Variants in TRMT11 observed in about 807,000 individuals in gnomAD.
TRMT11 encodes tRNA methyltransferase 11, also known as tRNA (guanine(10)-N(2))-methyltransferase TRMT11.
Under a neutral mutation model 62.8 loss-of-function variants are expected in TRMT11, and 53 were observed. The ratio of observed to expected loss-of-function variants is 0.84; its 90% CI spans 0.68 to 1.06. TRMT11 has a LOEUF of 1.06. Ranked by LOEUF, TRMT11 falls within the 50% of genes least tolerant of loss-of-function variation. TRMT11 has a pLI of 0.00. For missense variants in TRMT11, 556 were observed against 553.4 expected, an observed-to-expected ratio of 1.00 and a Z score of -0.05; for synonymous variants, 188 against 190.3, an observed-to-expected ratio of 0.99 and a Z score of 0.10.
intron 21 of TRMT11, among the ~76,000 whole-genome samples, chr6:126,152,264 A>G (rs547798394): frequency 1.5e-5 from 2 of 137,418 alleles, no homozygotes; most frequent in Non-Finnish European, 3.1e-5. Flanking sequence ...ATGTCACCAA[A>G]TGGCTAAAAA....
At chr6:126,129,866 G>T (rs887143105) in intron 21 of TRMT11, among the ~76,000 whole-genome samples, 1 of 152,034 alleles carries the variant, frequency 6.6e-6, no homozygotes, top group Non-Finnish European at 1.5e-5. Flanking sequence ...TGCTCAGTGT[G>T]TTTGTTTTTA....
At chr6:126,204,289 C>G (rs1220380064), downstream of TRMT11, among the ~76,000 whole-genome samples, 1 of 152,132 alleles carries the variant, frequency 6.6e-6, no homozygotes, top group Non-Finnish European at 1.5e-5. Context: ...AATGCATCAC[C>G]TCAGCTGTTA....
intron 17 of TRMT11, among the ~76,000 whole-genome samples, chr6:126,078,543 C>T (rs998399947): frequency 2.4e-4 from 36 of 152,122 alleles, no homozygotes; most frequent in African/African-American, 8.0e-4. Context: ...AGCAACGCCT[C>T]TGTTGTAACG....
At chr6:126,166,791 C>A (rs973004289) in intron 21 of TRMT11, among the ~76,000 whole-genome samples, 2 of 152,228 alleles carry the variant, frequency 1.3e-5, no homozygotes, top group African/African-American at 4.8e-5. Flanking sequence ...TGCTGCCTTT[C>A]TTTCAGAGAT....
intron 21 of TRMT11, among the ~76,000 whole-genome samples, chr6:126,137,935 G>A (rs562785972): frequency 6.6e-6 from 1 of 151,826 alleles, no homozygotes; most frequent in Non-Finnish European, 1.5e-5. Context: ...CATGGATATA[G>A]AATAGAATAG....
chr6:126,214,605 T>G, the TRMT11 span, among the ~76,000 whole-genome samples: 1 of 152,020 alleles, frequency 6.6e-6, no homozygotes, highest in Non-Finnish European at 1.5e-5. Context: ...CTGATTTAAT[T>G]TATTTGAGTC....
intron 9 of TRMT11, among the ~76,000 whole-genome samples, chr6:126,012,550 C>G (rs1367180230): frequency 3.9e-5 from 6 of 152,200 alleles, no homozygotes; most frequent in African/African-American, 9.7e-5. Flanking sequence ...ATTTGTAACA[C>G]TTCCACAGCT....
chr6:126,262,991 A>G, the TRMT11 span, among the ~76,000 whole-genome samples: 1 of 131,496 alleles, frequency 7.6e-6, no homozygotes. Flanking sequence ...CTCTAACATC[A>G]CTCCTCCCAT....
chr6:126,143,600 T>C (rs1473806974), intron 21 of TRMT11, among the ~76,000 whole-genome samples: 1 of 152,172 alleles, frequency 6.6e-6, no homozygotes, highest in Non-Finnish European at 1.5e-5. Flanking sequence ...ACAATAGAAC[T>C]AATTTACCAA....
chr6:126,203,116 T>C (rs1037247778), downstream of TRMT11, among the ~76,000 whole-genome samples: 1 of 152,194 alleles, frequency 6.6e-6, no homozygotes, highest in Non-Finnish European at 1.5e-5. Context: ...AGCATGAGAC[T>C]AGCACCACTT....
chr6:126,175,677 A>G (rs971417698), upstream of TRMT11, among the ~76,000 whole-genome samples: 4 of 152,174 alleles, frequency 2.6e-5, no homozygotes, highest in Admixed American at 1.3e-4. Flanking sequence ...GAATGAACAT[A>G]CAGAAAAGGC....
At chr6:126,164,694 C>T (rs1778237394) in intron 21 of TRMT11, among the ~76,000 whole-genome samples, 1 of 152,138 alleles carries the variant, frequency 6.6e-6, no homozygotes, top group East Asian at 1.9e-4. Context: ...ATAGTTAGTT[C>T]TTCTTGTTGC....
At chr6:126,259,978 C>T in the TRMT11 span, among the ~76,000 whole-genome samples, 1 of 152,104 alleles carries the variant, frequency 6.6e-6, no homozygotes, top group South Asian at 2.1e-4. Flanking sequence ...GAGTCTCTTG[C>T]AGGCAGAATA....
At chr6:126,038,462 G>C (rs1471843294) in intron 12 of TRMT11, among the ~76,000 whole-genome samples, 2 of 139,790 alleles carry the variant, frequency 1.4e-5, no homozygotes, top group Non-Finnish European at 3.1e-5. Flanking sequence ...AAGAAAAAAA[G>C]AAATTTGTCC....
chr6:126,271,540 GC>G, the TRMT11 span, among the ~76,000 whole-genome samples: 1 of 151,486 alleles, frequency 6.6e-6, no homozygotes, highest in African/African-American at 2.4e-5. Context: ...AATGCTAACA[GC>G]CATTAAAAAT....
intron 7 of TRMT11, among the ~76,000 whole-genome samples, chr6:126,004,857 C>A (rs1793114420): frequency 6.6e-6 from 1 of 151,996 alleles, no homozygotes; most frequent in Non-Finnish European, 1.5e-5. Context: ...TCTTTTCATG[C>A]CTAAATACTT....
chr6:126,073,610 A>C (rs1007225065), intron 17 of TRMT11, among the ~76,000 whole-genome samples: 1 of 152,172 alleles, frequency 6.6e-6, no homozygotes, highest in Non-Finnish European at 1.5e-5. Context: ...TGTGACATGA[A>C]TATAAAATTG....
intron 12 of TRMT11, among the ~76,000 whole-genome samples, chr6:126,036,654 A>T (rs926544255): frequency 1.7e-4 from 26 of 152,242 alleles, no homozygotes; most frequent in African/African-American, 5.5e-4. Flanking sequence ...CATAGCTTTA[A>T]AATAAAAACC....
At chr6:126,028,061 A>T (rs531254050) in intron 12 of TRMT11, among the ~76,000 whole-genome samples, 2 of 152,254 alleles carry the variant, frequency 1.3e-5, no homozygotes, top group South Asian at 4.1e-4. Flanking sequence ...TCCATTAGAC[A>T]TTATCCTTTC....
Sources: allele counts gnomAD v4.1 joint callset (sites outside exome capture counted in the v4.1 genomes callset), GRCh38; gene constraint gnomAD v4.1.1; transcripts MANE v1.5; gene names NCBI Gene and HGNC (gene_info 2026-07-23, HGNC 2026-07-21).